The following DOK6 variants were observed in gnomAD, a reference collection of about 807,000 sequenced individuals.
The protein encoded by DOK6 is downstream of tyrosine kinase 6.
In DOK6, 22 loss-of-function variants were observed where a neutral mutation model predicts 44.0. The ratio of observed to expected loss-of-function variants is 0.50; its 90% CI spans 0.36 to 0.71. DOK6 has a LOEUF of 0.71. DOK6 is among the 30% of genes least tolerant of loss of function. DOK6 has a pLI of 0.00. For synonymous variants in DOK6, 166 were observed against 145.5 expected, an observed-to-expected ratio of 1.14 and a Z score of -1.01; for missense variants, 340 against 416.4, an observed-to-expected ratio of 0.82 and a Z score of 1.60.
chr18:69,587,751 G>A (rs916427260), intron 2 of DOK6, among the ~76,000 whole-genome samples: 2 of 123,986 alleles, frequency 1.6e-5, no homozygotes, highest in African/African-American at 2.9e-5. Flanking sequence ...AGTGGAGCAT[G>A]TTATTAGATG....
chr18:69,798,860 G>A (rs1980822983), intron 7 of DOK6, among the ~76,000 whole-genome samples: 1 of 151,814 alleles, frequency 6.6e-6, no homozygotes, highest in Non-Finnish European at 1.5e-5. Context: ...TATTCCTACT[G>A]TTATCCTTCA....
chr18:69,680,640 C>G (rs1320413833), intron 4 of DOK6, among the ~76,000 whole-genome samples: 1 of 152,204 alleles, frequency 6.6e-6, no homozygotes, highest in East Asian at 1.9e-4. Flanking sequence ...GGCACAATTT[C>G]TTAGGTGTAT....
At chr18:69,548,507 A>T (rs1982472116) in intron 1 of DOK6, among the ~76,000 whole-genome samples, 1 of 151,568 alleles carries the variant, frequency 6.6e-6, no homozygotes, top group South Asian at 2.1e-4. Flanking sequence ...ATTTTGTACA[A>T]AGGACGGCCC....
chr18:69,700,216 C>CATATATATATATATATATATATAT (rs61078235), intron 5 of DOK6, among the ~76,000 whole-genome samples: 1,958 of 124,328 alleles, frequency 0.016, 71 homozygotes, highest in East Asian at 0.025. Flanking sequence ...CATATATATA[C>CATATATATATATATATATATATAT]ATATATATAT....
chr18:69,592,249 TA>T (rs79022744), intron 2 of DOK6, among the ~76,000 whole-genome samples: 47,949 of 149,682 alleles, frequency 0.32, 8,108 homozygotes, highest in Middle Eastern at 0.5. Context: ...TTTTTTTTTT[TA>T]AACTTACCCT....
intron 3 of DOK6, among the ~76,000 whole-genome samples, chr18:69,675,375 G>A (rs1599257110): frequency 6.6e-6 from 1 of 152,134 alleles, no homozygotes; most frequent in Non-Finnish European, 1.5e-5. Context: ...CATATTTAAC[G>A]TTCTGATTTT....
chr18:69,725,282 G>A (rs1978300447), intron 5 of DOK6, among the ~76,000 whole-genome samples: 1 of 152,126 alleles, frequency 6.6e-6, no homozygotes, highest in African/African-American at 2.4e-5. Flanking sequence ...AGAGCGCCTT[G>A]CATGCAACGA....
Position 69,526,286 on chromosome 18 carries a change from GTTTA to G in DOK6, c.67-38197_67-38194del, listed in dbSNP as rs984982751. On this transcript the variant is annotated intron_variant, in intron 1 of 7. Coordinates refer to ENST00000382713, the MANE Select transcript of DOK6 (RefSeq NM_152721.6). ...AGGCAACCACTGGTTACTGGTTTCT[GTTTA>G]TTTGTCTATTACAGACATTTCATAT... Among the ~76,000 whole-genome samples the G allele has an allele frequency of 2.4e-4, 36 of 152,142 alleles. 1 individual carries two copies. Among genetic ancestry groups the G allele is most frequent in the South Asian group, 1.9e-3 (9 of 4,824 alleles).
intron 3 of DOK6, among the ~76,000 whole-genome samples, chr18:69,648,478 A>G (rs1985140864): frequency 6.6e-6 from 1 of 152,178 alleles, no homozygotes; most frequent in Admixed American, 6.5e-5. Context: ...TCTCTTTTCC[A>G]TTGAAAAGGA....
At chr18:69,608,157 C>A (rs917456356) in intron 3 of DOK6, among the ~76,000 whole-genome samples, 2 of 152,034 alleles carry the variant, frequency 1.3e-5, no homozygotes, top group Admixed American at 6.5e-5. Context: ...CTTATAACAG[C>A]CTTTAATCTA....
intron 1 of DOK6, among the ~76,000 whole-genome samples, chr18:69,526,733 T>C (rs1454971305): frequency 1.3e-5 from 2 of 152,198 alleles, no homozygotes; most frequent in African/African-American, 4.8e-5. Flanking sequence ...CATACTGAGA[T>C]TTGTTTTATG....
chr18:69,738,900 G>C, intron 5 of DOK6, 65 bp from the exon 6 acceptor site: 3 of 1,578,902 alleles, frequency 1.9e-6, no homozygotes, highest in Middle Eastern at 1.7e-4. Flanking sequence ...CTTTGTCTAC[G>C]TGGAAAACTG....
chr18:69,401,625 C>G (rs1916102049), intron 1 of DOK6, among the ~76,000 whole-genome samples: 1 of 152,184 alleles, frequency 6.6e-6, no homozygotes, highest in African/African-American at 2.4e-5. Context: ...GAGGAGGTTT[C>G]TTTGCGGTGC....
At position 69,536,979 on chromosome 18, in the gene DOK6, C is replaced by CATTATTATTATTATT. The variant is rs6146369; in HGVS notation, c.67-27492_67-27478dup. On this transcript the variant is annotated intron_variant, in intron 1 of 7. Coordinates refer to ENST00000382713, the MANE Select transcript of DOK6 (RefSeq NM_152721.6). ...TTAACATACACGACAGAAGATTTAT[C>CATTATTATTATTATT]ATTATTATTATTATTATTATTATTA... Among the ~76,000 whole-genome samples the CATTATTATTATTATT allele has an allele frequency of 8.9e-3, 1,289 of 144,848 alleles. 7 individuals are homozygous for CATTATTATTATTATT. Among genetic ancestry groups the CATTATTATTATTATT allele is most frequent in the South Asian group, 0.02 (90 of 4,582 alleles).
At chr18:69,652,965 T>A (rs1985269057) in intron 3 of DOK6, among the ~76,000 whole-genome samples, 1 of 152,344 alleles carries the variant, frequency 6.6e-6, no homozygotes, top group East Asian at 1.9e-4. Flanking sequence ...GAGGGGATGA[T>A]GTCTGTAGTT....
chr18:69,675,655 T>G (rs939778274), intron 3 of DOK6, among the ~76,000 whole-genome samples: 1 of 151,852 alleles, frequency 6.6e-6, no homozygotes, highest in African/African-American at 2.4e-5. Context: ...CCCTAAAACT[T>G]AAAGTATAAT....
intron 6 of DOK6, among the ~76,000 whole-genome samples, chr18:69,740,690 G>A (rs533240185): frequency 3.9e-5 from 6 of 152,314 alleles, no homozygotes; most frequent in South Asian, 2.1e-4. Context: ...TCCTTTATCT[G>A]TAACAAGGGC....
At chr18:69,784,981 A>C (rs1177879703) in intron 7 of DOK6, among the ~76,000 whole-genome samples, 1 of 152,192 alleles carries the variant, frequency 6.6e-6, no homozygotes, top group Non-Finnish European at 1.5e-5. Flanking sequence ...GCAACACTTT[A>C]GACTGAGAAG....
At chr18:69,610,283 T>C (rs1984106892) in intron 3 of DOK6, among the ~76,000 whole-genome samples, 3 of 152,202 alleles carry the variant, frequency 2.0e-5, no homozygotes, top group Admixed American at 2.0e-4. Flanking sequence ...TTGTTTTCCT[T>C]AGGTTTTCAA....
Sources: allele counts gnomAD v4.1 joint callset (sites outside exome capture counted in the v4.1 genomes callset), GRCh38; gene constraint gnomAD v4.1.1; transcripts MANE v1.5; gene names NCBI Gene and HGNC (gene_info 2026-07-23, HGNC 2026-07-21).